TASOR2: variants seen among roughly 807,000 people sequenced by gnomAD.
TASOR2 encodes protein TASOR 2.
A neutral mutation model predicts 199.5 loss-of-function variants in TASOR2; 84 were observed. That is an observed-to-expected ratio of 0.42 (90% CI 0.35 to 0.50). The LOEUF is 0.50. Ranked by LOEUF, TASOR2 falls within the 20% of genes least tolerant of loss-of-function variation. The probability of loss-of-function intolerance (pLI) is 0.02; values close to 1 mark genes in which losing one functional copy is unlikely to be tolerated. For missense variants in TASOR2, 2,796 were observed against 2,835.9 expected (o/e 0.99, Z 0.32); for synonymous variants, 1,103 against 1,046.6 (o/e 1.05, Z -1.04).
At chr10:5,761,693 T>G (rs1255570356) in intron 19 of TASOR2, 3 of 540,846 alleles carry the variant, frequency 5.5e-6, no homozygotes, top group Non-Finnish European at 9.9e-6. Flanking sequence ...TCTAGATTAC[T>G]TATAATACTC....
chr10:5,716,046 T>C (rs1174576226), intron 2 of TASOR2, among the ~76,000 whole-genome samples: 4 of 152,230 alleles, frequency 2.6e-5, no homozygotes, highest in Non-Finnish European at 5.9e-5. Context: ...GCCCCTAGGC[T>C]ACAAACCTGT....
chr10:5,748,033 T>C lies in TASOR2; in HGVS notation c.4612T>C (p.Phe1538Leu). The stretch of plus-strand genomic sequence containing the variant: ...CTCAGCTGCCAAATGCACAGGTGAC[T>C]TCAGTCCTTCTCCTGAAAAACTGGT... The change falls in exon 15 of 21, where the codon TTC (phenylalanine) becomes CTC (leucine). Residue 1538 changes from phenylalanine to leucine, a missense_variant. Phe to Leu is a conservative substitution (Grantham distance 22, BLOSUM62 0). Transcript: ENST00000328090. The surrounding 1 kb of genome is among the most constrained non-coding windows in gnomAD (Gnocchi z 5.1). 3 of 1,614,164 alleles carry C rather than the reference T, an allele frequency of 1.9e-6. No homozygotes were observed. The highest frequency in any genetic ancestry group is 2.5e-6 in the Non-Finnish European group (3 of 1,180,042).
intron 2 of TASOR2, among the ~76,000 whole-genome samples, chr10:5,715,686 A>G (rs942525503): frequency 6.6e-6 from 1 of 151,720 alleles, no homozygotes; most frequent in African/African-American, 2.4e-5. Context: ...CTCTGTCACC[A>G]GGCTGGAGTG....
chr10:5,762,320 A>AT lies in TASOR2; in HGVS notation c.7175-204dup, dbSNP rs1444030381. Reference sequence around the variant, plus strand: ...GAACCATAGTTATCATTTTTCAGGGATTTTTTTTCAGTACTTTAACCACCA... The same window carrying AT: ...GAACCATAGTTATCATTTTTCAGGGATTTTTTTTTCAGTACTTTAACCACCA... On this transcript the variant is annotated intron_variant, in intron 19 of 20. Transcript: ENST00000328090. Among the ~76,000 whole-genome samples the AT allele has an allele frequency of 6.0e-5, 9 of 150,548 alleles. 1 individual carries two copies. Among genetic ancestry groups the AT allele is most frequent in the South Asian group, 2.1e-4 (1 of 4,754 alleles).
At chr10:5,757,703 TTGAAGTCAGA>T in intron 17 of TASOR2, 30 bp downstream of exon 18, 4 of 1,609,896 alleles carry the variant, frequency 2.5e-6, no homozygotes, top group Non-Finnish European at 3.4e-6. Context: ...TCCTGTTTCT[TTGAAGTCAGA>T]TCAACTTCTC....
chr10:5,695,242 C>T (rs982744574), intron 1 of TASOR2, among the ~76,000 whole-genome samples: 10 of 152,270 alleles, frequency 6.6e-5, no homozygotes, highest in African/African-American at 2.4e-4. Flanking sequence ...GATATGGTTC[C>T]TGCCGTGATA....
chr10:5,750,924 C>G lies in TASOR2; in HGVS notation c.6606+897C>G, dbSNP rs1220865954. 2.0e-5 allele frequency among the ~76,000 whole-genome samples: 3 copies of G among 152,296 alleles called. No homozygotes were observed. Among genetic ancestry groups the G allele is most frequent in the African/African-American group, 7.2e-5 (3 of 41,568 alleles). The stretch of plus-strand genomic sequence containing the variant: ...GTCATGTCTTCAGTCTGCAATAGTT[C>G]CTCTGTTATTCCTTGTCTTTTATGA... On this transcript the variant is annotated intron_variant, in intron 15 of 20. Coordinates refer to ENST00000328090, the Ensembl canonical transcript of TASOR2. This position sits in a 1 kb window ranked among gnomAD's most constrained non-coding sequence, Gnocchi z 5.4.
intron 10 of TASOR2, among the ~76,000 whole-genome samples, chr10:5,729,448 C>T (rs1055287456): frequency 2.6e-5 from 4 of 152,214 alleles, no homozygotes; most frequent in African/African-American, 9.7e-5. Context: ...CGCCTGTAAT[C>T]CCAGCACTCC....
intron 1 of TASOR2, among the ~76,000 whole-genome samples, chr10:5,711,456 C>T (rs1831895859): frequency 6.6e-6 from 1 of 152,082 alleles, no homozygotes; most frequent in Non-Finnish European, 1.5e-5. Context: ...AAATCATTCT[C>T]TTCTCCTTAT....
In TASOR2 at chr10:5,691,617, A is replaced by G. The variant is rs369907489; in HGVS notation, c.-288+6442A>G. Among the ~76,000 whole-genome samples, 62 of 152,348 alleles carry G rather than the reference A, an allele frequency of 4.1e-4. 1 individual carries two copies. In the South Asian group the frequency reaches 0.012, roughly 31 times the overall value. On this transcript the variant is annotated intron_variant, in intron 1 of 20. Coordinates refer to ENST00000328090, the Ensembl canonical transcript of TASOR2. ...ATAAGTTCAAATTATCCTATATGCT[A>G]TACAACACACTAATGGTAATGATGA...
At chr10:5,747,966 A>T (rs201710131) in exon 15 of TASOR2, 53 of 1,613,660 alleles carry the variant, frequency 3.3e-5, no homozygotes, top group Non-Finnish European at 4.3e-5. Context: ...TATCTTTCTC[A>T]GGAAAGGTGC....
At chr10:5,756,109 T>G (rs572184496) in intron 15 of TASOR2, among the ~76,000 whole-genome samples, 2 of 152,334 alleles carry the variant, frequency 1.3e-5, no homozygotes, top group African/African-American at 2.4e-5. Flanking sequence ...GTGTGTTGAT[T>G]GTACTGGGCT....
At position 5,749,429 on chromosome 10, in the gene TASOR2, A is replaced by G. The variant is rs61729836; in HGVS notation, c.6008A>G (p.Asn2003Ser). Reference sequence around the variant, plus strand: ...TCTCAGCATTCTGCCTCCTCTGCCAATGTCTTTCCAAAGGAGTCACCAACC... The same window carrying G: ...TCTCAGCATTCTGCCTCCTCTGCCAGTGTCTTTCCAAAGGAGTCACCAACC... The change falls in exon 15 of 21, where the codon AAT (asparagine) becomes AGT (serine). Residue 2003 changes from asparagine (N) to serine (S), a missense_variant. Transcript: ENST00000328090. 2.4e-5 allele frequency: 39 copies of G among 1,614,194 alleles called. No individual in the cohort carries two copies. The highest frequency in any genetic ancestry group is 2.4e-4 in the African/African-American group (18 of 75,042).
rs1835346890 is a variant in TASOR2, at chr10:5,734,867, GTTTA to G, written c.1205-433_1205-430del. ...ACATGCCACCACTCCTTGCTAATTT[GTTTA>G]TTTTTTTGTACAGTGTCTTGCCATG... On this transcript the variant is annotated intron_variant, in intron 11 of 20. Transcript: ENST00000328090. 4.0e-5 allele frequency among the ~76,000 whole-genome samples: 6 copies of G among 151,100 alleles called. No homozygotes were observed. In the South Asian group the frequency reaches 1.3e-3, roughly 32 times the overall value.
intron 19 of TASOR2, chr10:5,761,723 T>C (rs1445756893): frequency 2.0e-5 from 8 of 396,452 alleles, no homozygotes; most frequent in African/African-American, 4.1e-5. Context: ...TAAGTAGTTA[T>C]ACCGTATTAT....
chr10:5,735,477 C>T, exon 12 of TASOR2: 1 of 1,614,050 alleles, frequency 6.2e-7, no homozygotes. Flanking sequence ...GAAGAAATCT[C>T]CACAAAAACA....
intron 11 of TASOR2, among the ~76,000 whole-genome samples, chr10:5,732,490 G>A (rs184823753): frequency 4.6e-5 from 7 of 152,356 alleles, no homozygotes; most frequent in Admixed American, 1.3e-4. Context: ...AAGAAGAAAC[G>A]TCTAGGGTAT....
chr10:5,720,303 C>T lies in TASOR2; in HGVS notation c.-99-241C>T, dbSNP rs1833191059. On this transcript the variant is annotated intron_variant, in intron 3 of 20. Transcript: ENST00000328090. The surrounding 1 kb of genome is among the most constrained non-coding windows in gnomAD (Gnocchi z 5.3). Reference sequence around the variant, plus strand: ...TCTGAGAATTATACAACTAACTATACTAAGCCATCTTCTGGCTATGATTGC... The same window carrying T: ...TCTGAGAATTATACAACTAACTATATTAAGCCATCTTCTGGCTATGATTGC... 2.0e-6 allele frequency: 2 copies of T among 985,200 alleles called. No homozygotes were observed. Among genetic ancestry groups the T allele is most frequent in the Non-Finnish European group, 2.4e-6 (2 of 829,840 alleles). 61.0% of individuals were successfully genotyped at this position (985,200 alleles called of 1,614,324 possible). A position where few individuals can be genotyped will look rare whatever the true frequency, so the allele number is the denominator to read the frequency against.
rs980846570 is a variant in TASOR2 at position 5,726,365 on chromosome 10, T to C, written c.352-520T>C. On this transcript the variant is annotated intron_variant, in intron 8 of 20. Transcript: ENST00000328090. ...AAGAATTTATTTTCATCTGTATTTC[T>C]TGTTGCCCTGGAACTTGATTATTTT... is the stretch of plus-strand genomic sequence containing the variant. Among the ~76,000 whole-genome samples, 3 of 152,238 alleles carry C rather than the reference T, an allele frequency of 2.0e-5. 1 individual carries two copies. The highest frequency in any genetic ancestry group is 7.2e-5 in the African/African-American group (3 of 41,454).
Sources: gnomAD v4.1 joint callset for allele counts (sites outside exome capture counted in the v4.1 genomes callset) on GRCh38, gnomAD v4.1.1 for gene constraint, Gnocchi (gnomAD v3.1) non-coding constraint, MANE v1.5 for transcripts, NCBI Gene and HGNC (gene_info 2026-07-23, HGNC 2026-07-21) for gene names.